The following APLF variants were observed in gnomAD, a reference collection of about 807,000 sequenced individuals.
APLF encodes the protein aprataxin and PNKP like factor, also known as aprataxin and PNK-like factor.
Under a neutral mutation model 55.6 loss-of-function variants are expected in APLF, and 61 were observed. The ratio of observed to expected loss-of-function variants is 1.10; its 90% CI spans 0.89 to 1.36. The LOEUF is 1.36. Ranked by LOEUF, APLF falls within the 40% of genes most tolerant of loss-of-function variation. The pLI is 0.00. For synonymous variants in APLF, 207 were observed against 214.8 expected (o/e 0.96, Z 0.32); for missense variants, 611 against 602.5 (o/e 1.01, Z -0.15).
At chr2:68,487,391 G>T (rs1323210496) in intron 1 of APLF, among the ~76,000 whole-genome samples, 2 of 152,100 alleles carry the variant, frequency 1.3e-5, no homozygotes, top group Non-Finnish European at 2.9e-5. Context: ...GATTCCTTAG[G>T]TTCAGATCCT....
At chr2:68,567,424 C>T in intron 9 of APLF, 37 bp downstream of exon 9, 4 of 1,472,382 alleles carry the variant, frequency 2.7e-6, no homozygotes, top group Non-Finnish European at 2.8e-6. Context: ...AAAATGAAAC[C>T]TTTAAATGAT....
chr2:68,497,792 G>A (rs781756167), intron 2 of APLF, among the ~76,000 whole-genome samples: 26 of 152,050 alleles, frequency 1.7e-4, no homozygotes, highest in Admixed American at 1.0e-3. Flanking sequence ...TTCACCATGA[G>A]ATTTGGGCAG....
chr2:68,522,626 A>G (rs1669926025), intron 5 of APLF, among the ~76,000 whole-genome samples: 1 of 151,874 alleles, frequency 6.6e-6, no homozygotes, highest in South Asian at 2.1e-4. Context: ...GCCTGCTTTT[A>G]GTAGTTGATA....
At chr2:68,518,435 AAT>A (rs1468397702) in intron 5 of APLF, among the ~76,000 whole-genome samples, 3 of 113,006 alleles carry the variant, frequency 2.7e-5, no homozygotes, top group African/African-American at 3.7e-5. Context: ...TTTATTATAT[AAT>A]ATATAATAAT....
At chr2:68,551,420 A>C (rs1437413717) in intron 8 of APLF, among the ~76,000 whole-genome samples, 2 of 152,000 alleles carry the variant, frequency 1.3e-5, no homozygotes, top group African/African-American at 4.8e-5. Context: ...CTATTATCTC[A>C]TCAGATATTG....
intron 3 of APLF, among the ~76,000 whole-genome samples, chr2:68,507,128 G>A (rs11891552): frequency 1.8e-3 from 271 of 151,664 alleles, no homozygotes; most frequent in African/African-American, 6.2e-3. Flanking sequence ...CTATCGGGGT[G>A]GTAGATACAC....
intron 6 of APLF, among the ~76,000 whole-genome samples, chr2:68,532,627 C>T (rs1670290047): frequency 6.6e-6 from 1 of 152,146 alleles, no homozygotes; most frequent in African/African-American, 2.4e-5. Flanking sequence ...AGTTTTGTGA[C>T]TGTAGTAACT....
intron 3 of APLF, among the ~76,000 whole-genome samples, chr2:68,508,802 T>A (rs10198601): frequency 6.6e-6 from 1 of 151,784 alleles, no homozygotes; most frequent in Admixed American, 6.6e-5. Context: ...GAGGCATCAC[T>A]CTACCTGACT....
chr2:68,518,232 C>A (rs1669705309), intron 5 of APLF, among the ~76,000 whole-genome samples: 1 of 114,628 alleles, frequency 8.7e-6, no homozygotes. Context: ...TATAATAGAT[C>A]ATTAATATAT....
intron 2 of APLF, among the ~76,000 whole-genome samples, chr2:68,494,298 A>AAAG (rs1553369379): frequency 1.5e-4 from 23 of 149,990 alleles, no homozygotes; most frequent in Non-Finnish European, 2.7e-4. Context: ...AAAAAAAAAA[A>AAAG]AAAAGAAAAG....
chr2:68,572,064 G>A (rs1671484805), intron 9 of APLF, among the ~76,000 whole-genome samples: 1 of 145,138 alleles, frequency 6.9e-6, no homozygotes, highest in East Asian at 1.9e-4. Flanking sequence ...TTTTTATTCA[G>A]AAGTTGAAAC....
chr2:68,499,603 C>A (rs1263702310), intron 2 of APLF, among the ~76,000 whole-genome samples: 1 of 152,136 alleles, frequency 6.6e-6, no homozygotes, highest in East Asian at 1.9e-4. Context: ...CTTTGGGAGG[C>A]CAGGGCAGGT....
rs371687892 is a variant in APLF, at chr2:68,477,773, G to A, written c.96+9946G>A. ...AATCATGGTGGAAGGCGAATGAGGC[G>A]CAAAGTCAAACGTCTTACATGGCAT... On this transcript the variant is annotated intron_variant, in intron 1 of 9. Coordinates refer to ENST00000303795, the MANE Select transcript of APLF (RefSeq NM_173545.3). 2.2e-3 allele frequency among the ~76,000 whole-genome samples: 334 copies of A among 152,256 alleles called. 2 individuals are homozygous for A. The highest frequency in any genetic ancestry group is 7.5e-3 in the African/African-American group (310 of 41,540).
At chr2:68,551,029 T>C (rs1322234740) in intron 8 of APLF, among the ~76,000 whole-genome samples, 1 of 152,162 alleles carries the variant, frequency 6.6e-6, no homozygotes, top group Non-Finnish European at 1.5e-5. Flanking sequence ...GTTTTTCTTA[T>C]AGTGAAGATC....
chr2:68,519,039 T>TATAATAATATAATATATAATTAATATATA (rs1553372098), intron 5 of APLF, among the ~76,000 whole-genome samples: 4,479 of 117,576 alleles, frequency 0.038, 547 homozygotes, highest in African/African-American at 0.15. Flanking sequence ...ATGATTAATA[T>TATAATAATATAATATATAATTAATATATA]ATAATAATAT....
intron 1 of APLF, among the ~76,000 whole-genome samples, chr2:68,484,955 G>A (rs1369472567): frequency 6.6e-6 from 1 of 150,496 alleles, no homozygotes; most frequent in African/African-American, 2.5e-5. Context: ...TTTTTCTTCT[G>A]TAATATGCCT....
At chr2:68,482,996 T>TCCCTGGG (rs920339516) in intron 1 of APLF, among the ~76,000 whole-genome samples, 26 of 151,686 alleles carry the variant, frequency 1.7e-4, no homozygotes, top group African/African-American at 5.6e-4. Context: ...GTCATGACTG[T>TCCCTGGG]CCCTGGGCCC....
At chr2:68,503,606 A>C (rs1469100003) in intron 3 of APLF, among the ~76,000 whole-genome samples, 1 of 152,134 alleles carries the variant, frequency 6.6e-6, no homozygotes, top group Non-Finnish European at 1.5e-5. Flanking sequence ...ACACATTTCT[A>C]AATTACCCTT....
chr2:68,552,248 C>T (rs1670887338), intron 8 of APLF, among the ~76,000 whole-genome samples: 1 of 151,966 alleles, frequency 6.6e-6, no homozygotes, highest in Non-Finnish European at 1.5e-5. Flanking sequence ...AATTTCAGAC[C>T]CTCAGCCTCT....
Sources: allele counts gnomAD v4.1 joint callset (sites outside exome capture counted in the v4.1 genomes callset), GRCh38; gene constraint gnomAD v4.1.1; transcripts MANE v1.5; gene names NCBI Gene and HGNC (gene_info 2026-07-23, HGNC 2026-07-21).